Variants in ATG5 observed in about 807,000 individuals in gnomAD.
ATG5 encodes autophagy related 5.
ATG5 carries 14 observed loss-of-function variants against 36.5 expected under a neutral mutation model. That is an observed-to-expected ratio of 0.38 (90% confidence interval 0.25 to 0.60). The LOEUF is 0.60. ATG5 is among the 20% of genes least tolerant of loss of function. The probability of loss-of-function intolerance (pLI) is 0.60; values close to 1 mark genes in which losing one functional copy is unlikely to be tolerated. For synonymous variants in ATG5, 95 were observed against 101.5 expected, an observed-to-expected ratio of 0.94 and a Z score of 0.38; for missense variants, 195 against 326.7, an observed-to-expected ratio of 0.60 and a Z score of 3.11.
In ATG5 at chr6:106,205,029, C is replaced by CA. The variant is rs771172234; in HGVS notation, c.574-2941dup. 2.6e-5 allele frequency among the ~76,000 whole-genome samples: 4 copies of CA among 152,288 alleles called. No homozygotes were observed. The South Asian group carries it at 8.3e-4, about 32-fold the overall frequency. ...GTGATAATTTAAAATAGCCATCCCT[C>CA]ACTCAGGGTTTTTGATCTTCAGGCC... On this transcript the variant is annotated intron_variant, in intron 6 of 7. Transcript: ENST00000369076.
At chr6:106,286,761 T>C (rs1036582744) in intron 4 of ATG5, among the ~76,000 whole-genome samples, 1 of 152,190 alleles carries the variant, frequency 6.6e-6, no homozygotes, top group African/African-American at 2.4e-5. Flanking sequence ...TGACAAGAAC[T>C]TCACATGGTC....
chr6:106,225,926 G>C (rs1026823454), intron 6 of ATG5, among the ~76,000 whole-genome samples: 1 of 152,148 alleles, frequency 6.6e-6, no homozygotes, highest in Admixed American at 6.5e-5. Context: ...GAAATCCAAA[G>C]GGGGTCTGAA....
chr6:106,203,616 C>T (rs1458350990), intron 6 of ATG5, among the ~76,000 whole-genome samples: 2 of 152,026 alleles, frequency 1.3e-5, no homozygotes, highest in Non-Finnish European at 2.9e-5. Flanking sequence ...TTTTTGTTTG[C>T]TTGTTTCCTG....
At chr6:106,322,327 G>A (rs1355856213) in intron 1 of ATG5, among the ~76,000 whole-genome samples, 1 of 152,120 alleles carries the variant, frequency 6.6e-6, no homozygotes, top group Non-Finnish European at 1.5e-5. Context: ...CCTACTACCT[G>A]AAGTAATTTT....
intron 6 of ATG5, among the ~76,000 whole-genome samples, chr6:106,213,458 T>C (rs1776930044): frequency 6.6e-6 from 1 of 152,040 alleles, no homozygotes; most frequent in South Asian, 2.1e-4. Context: ...ATTACAACAG[T>C]AGAGAATTTC....
At chr6:106,257,329 C>T (rs570740382) in intron 5 of ATG5, among the ~76,000 whole-genome samples, 1 of 152,298 alleles carries the variant, frequency 6.6e-6, no homozygotes, top group African/African-American at 2.4e-5. Context: ...AGTCGTTTAT[C>T]ATTATCAATT....
intron 2 of ATG5, among the ~76,000 whole-genome samples, chr6:106,309,011 G>T (rs1371989040): frequency 6.6e-6 from 1 of 152,014 alleles, no homozygotes; most frequent in Non-Finnish European, 1.5e-5. Flanking sequence ...CCTGGTCAGT[G>T]TTTTTTCCCC....
At chr6:106,227,580 T>C (rs140655108) in intron 6 of ATG5, among the ~76,000 whole-genome samples, 14 of 152,176 alleles carry the variant, frequency 9.2e-5, no homozygotes, top group African/African-American at 1.4e-4. Flanking sequence ...GTGGAGACCC[T>C]GTCTCTATAA....
At chr6:106,219,753 CATT>C (rs1306599952) in intron 6 of ATG5, among the ~76,000 whole-genome samples, 1 of 152,126 alleles carries the variant, frequency 6.6e-6, no homozygotes, top group Admixed American at 6.5e-5. Context: ...TCAGGATTCA[CATT>C]ATTTCACAAC....
At chr6:106,297,579 T>C (rs1299911205) in intron 3 of ATG5, among the ~76,000 whole-genome samples, 5 of 152,194 alleles carry the variant, frequency 3.3e-5, no homozygotes, top group Non-Finnish European at 1.5e-5. Flanking sequence ...TTGACCATTT[T>C]AGATACCTTT....
chr6:106,216,943 C>T (rs1018339903), intron 6 of ATG5, among the ~76,000 whole-genome samples: 4 of 150,412 alleles, frequency 2.7e-5, no homozygotes, highest in African/African-American at 9.8e-5. Context: ...TGAGATTATA[C>T]TTCAAGTAAG....
At chr6:106,213,841 T>C (rs568620284) in intron 6 of ATG5, among the ~76,000 whole-genome samples, 14 of 152,338 alleles carry the variant, frequency 9.2e-5, no homozygotes, top group African/African-American at 3.4e-4. Flanking sequence ...ATATGAAATA[T>C]CTAATGTAAC....
At chr6:106,247,118 TA>T (rs1280049701) in intron 6 of ATG5, among the ~76,000 whole-genome samples, 3 of 152,158 alleles carry the variant, frequency 2.0e-5, no homozygotes, top group Non-Finnish European at 4.4e-5. Flanking sequence ...TAAAAGATTT[TA>T]AAATAACTAT....
At chr6:106,268,721 C>CT (rs1779322870) in intron 5 of ATG5, among the ~76,000 whole-genome samples, 2 of 152,130 alleles carry the variant, frequency 1.3e-5, no homozygotes, top group African/African-American at 4.8e-5. Flanking sequence ...TTTGTATCCT[C>CT]TGCAGAGACA....
chr6:106,297,005 C>T (rs1769978176), intron 3 of ATG5, among the ~76,000 whole-genome samples: 1 of 152,172 alleles, frequency 6.6e-6, no homozygotes, highest in South Asian at 2.1e-4. Flanking sequence ...GTACTCTAGA[C>T]TTTAATGACA....
intron 4 of ATG5, among the ~76,000 whole-genome samples, chr6:106,284,193 A>C (rs1045907040): frequency 1.2e-4 from 18 of 152,198 alleles, no homozygotes; most frequent in African/African-American, 4.3e-4. Context: ...TCTCTTGGGA[A>C]TATTACTAGG....
At chr6:106,257,629 T>G (rs1463743429) in intron 5 of ATG5, among the ~76,000 whole-genome samples, 1 of 152,232 alleles carries the variant, frequency 6.6e-6, no homozygotes, top group African/African-American at 2.4e-5. Context: ...TTCTGTGAAC[T>G]CATTTCCTCA....
intron 2 of ATG5, among the ~76,000 whole-genome samples, chr6:106,315,881 C>T (rs902552487): frequency 1.6e-4 from 25 of 152,112 alleles, no homozygotes; most frequent in African/African-American, 5.8e-4. Flanking sequence ...AAGTCCAGAA[C>T]GCATCATGAC....
At chr6:106,264,121 T>A (rs557947529) in intron 5 of ATG5, among the ~76,000 whole-genome samples, 2 of 152,242 alleles carry the variant, frequency 1.3e-5, no homozygotes, top group African/African-American at 4.8e-5. Context: ...AAATGCTAAC[T>A]AGAATAACCC....
Sources: allele counts gnomAD v4.1 joint callset (sites outside exome capture counted in the v4.1 genomes callset), GRCh38; gene constraint gnomAD v4.1.1; transcripts MANE v1.5; gene names NCBI Gene and HGNC (gene_info 2026-07-23, HGNC 2026-07-21).